The following CMPK2 variants were observed in gnomAD, a reference collection of about 807,000 sequenced individuals.
CMPK2 encodes the protein cytidine/uridine monophosphate kinase 2, also known as UMP-CMP kinase 2, mitochondrial.
A neutral mutation model predicts 33.4 loss-of-function variants in CMPK2; 32 were observed. The ratio of observed to expected loss-of-function variants is 0.96; its 90% CI spans 0.72 to 1.29. CMPK2 has a LOEUF of 1.29. Ranked by LOEUF, CMPK2 falls within the 50% of genes most tolerant of loss-of-function variation. The pLI is 0.00. For synonymous variants in CMPK2, 299 were observed against 275.3 expected, an observed-to-expected ratio of 1.09 and a Z score of -0.85; for missense variants, 672 against 616.0, an observed-to-expected ratio of 1.09 and a Z score of -0.96.
At chr2:6,842,686 T>A (rs1662261919) in intron 3 of CMPK2, among the ~76,000 whole-genome samples, 1 of 152,204 alleles carries the variant, frequency 6.6e-6, no homozygotes, top group African/African-American at 2.4e-5. Context: ...GAGCCTTAGG[T>A]TCCCAGATCA....
chr2:6,848,038 G>A (rs143998296), downstream of CMPK2, among the ~76,000 whole-genome samples: 363 of 152,262 alleles, frequency 2.4e-3, no homozygotes, highest in African/African-American at 8.3e-3. Context: ...CAAAATACTC[G>A]TAAGTCATAT....
chr2:6,846,027 G>T (rs1324934861), downstream of CMPK2, among the ~76,000 whole-genome samples: 1 of 152,124 alleles, frequency 6.6e-6, no homozygotes, highest in Non-Finnish European at 1.5e-5. Context: ...GAACGTAAAA[G>T]GGAAAAGAAT....
downstream of CMPK2, among the ~76,000 whole-genome samples, chr2:6,843,973 C>T (rs1662294097): frequency 6.6e-6 from 1 of 152,170 alleles, no homozygotes; most frequent in Non-Finnish European, 1.5e-5. Flanking sequence ...CCCTAGGACC[C>T]ATTAGTCCTG....
At chr2:6,866,087 C>A, upstream of CMPK2, 1 of 258,104 alleles carries the variant, frequency 3.9e-6, no homozygotes, top group Non-Finnish European at 7.5e-6. Flanking sequence ...CGGCCCCGAC[C>A]CTGGTTTGAG....
chr2:6,843,344 C>T (rs542372642), downstream of CMPK2, among the ~76,000 whole-genome samples: 17 of 152,296 alleles, frequency 1.1e-4, no homozygotes, highest in Admixed American at 7.2e-4. Flanking sequence ...GATGGAGGTC[C>T]TGAACTAGTA....
At chr2:6,854,646 C>T (rs12472662) in intron 3 of CMPK2, among the ~76,000 whole-genome samples, 32,532 of 152,110 alleles carry the variant, frequency 0.21, 3,677 homozygotes, top group Non-Finnish European at 0.23. Context: ...CAATTTCAGA[C>T]GCTTCCCACT....
rs1663045916 is a variant in CMPK2 at position 6,865,463 on chromosome 2, G to T, written c.234C>A (p.Pro78=). The change falls in exon 1 of 5, where the codon CCC becomes CCA. Residue 78 remains proline, a synonymous_variant. Transcript: ENST00000256722. ...PPERSYSLCV[P]VTPDAGCGAR... is the part of the protein sequence containing the mutation. Reference sequence around the variant, plus strand: ...CCCCGCAGCCGGCGTCCGGGGTCACGGGCACGCACAGCGAGTAGCTGCGCT... The same window carrying T: ...CCCCGCAGCCGGCGTCCGGGGTCACTGGCACGCACAGCGAGTAGCTGCGCT... 3.9e-6 allele frequency: 5 copies of T among 1,273,698 alleles called. No individual in the cohort carries two copies. The highest frequency in any genetic ancestry group is 3.9e-6 in the Non-Finnish European group (4 of 1,014,462). 78.9% of individuals were successfully genotyped at this position (1,273,698 alleles called of 1,614,324 possible).
intron 4 of CMPK2, chr2:6,850,614 T>C (rs1572134093): frequency 2.4e-6 from 1 of 421,224 alleles, no homozygotes; most frequent in Non-Finnish European, 3.2e-6. Context: ...TGTGTCTCAG[T>C]TTCCTGTTCT....
rs1231938128 is a variant in CMPK2 at position 6,851,255 on chromosome 2, G to C, written c.1226+195C>G. On this transcript the variant is annotated intron_variant, in intron 4 of 4. Transcript: ENST00000256722. ...TCTGATCCCTAGTCCGATGACCTTT[G>C]CTTTAAGATAACAATGCTGCAGCCC... 4 of 1,409,098 alleles carry C rather than the reference G, an allele frequency of 2.8e-6. No homozygotes were observed. The Admixed American group carries it at 1.1e-4, about 38-fold the overall frequency. 87.3% of individuals were successfully genotyped at this position (1,409,098 alleles called of 1,614,324 possible).
Position 6,848,460 on chromosome 2 carries a change from A to T in CMPK2, c.*1390T>A, listed in dbSNP as rs1353758004. 3.1e-6 allele frequency: 3 copies of T among 980,330 alleles called. No individual in the cohort carries two copies. Among genetic ancestry groups the T allele is most frequent in the Non-Finnish European group, 3.6e-6 (3 of 825,390 alleles). The allele number at this position is 980,330 out of a possible 1,614,324, so 60.7% of individuals were successfully genotyped here. ...ATAATACAGCTAGATACCACATTGC[A>T]AAGAACCCTAATGCTATTTATCAGC... On this transcript the variant is annotated 3_prime_UTR_variant, in exon 5 of 5. Transcript: ENST00000256722.
At chr2:6,854,197 G>A (rs1371221601) in intron 3 of CMPK2, among the ~76,000 whole-genome samples, 1 of 152,152 alleles carries the variant, frequency 6.6e-6, no homozygotes, top group Non-Finnish European at 1.5e-5. Flanking sequence ...GTCAGCACAT[G>A]CTCCAGATTC....
chr2:6,842,784 A>C (rs1662264563), intron 3 of CMPK2, among the ~76,000 whole-genome samples: 1 of 152,176 alleles, frequency 6.6e-6, no homozygotes, highest in South Asian at 2.1e-4. Context: ...ACAATCTGCA[A>C]AAAACCCCAA....
chr2:6,861,126 A>ACC, intron 3 of CMPK2, 58 bp downstream of exon 3: 3 of 23,682 alleles, frequency 1.3e-4, no homozygotes, highest in Admixed American at 1.4e-3. Flanking sequence ...ACACACACAC[A>ACC]CCCACACACT....
Position 6,849,552 on chromosome 2 carries a change from C to A in CMPK2, c.*298G>T. 1 of 1,130,902 alleles carries A rather than the reference C, an allele frequency of 8.8e-7. No homozygotes were observed. Among genetic ancestry groups the A allele is most frequent in the Non-Finnish European group, 1.1e-6 (1 of 921,430 alleles). The allele number at this position is 1,130,902 out of a possible 1,614,324, so 70.1% of individuals were successfully genotyped here. A position where few individuals can be genotyped will look rare whatever the true frequency, so the allele number is the denominator to read the frequency against. ...GTGCTGTCTGAGTAAGACAGGTCTT[C>A]CAGATATTTGGTAGTGATTAAGTGA... On this transcript the variant is annotated 3_prime_UTR_variant, in exon 5 of 5. Coordinates refer to ENST00000256722, the MANE Select transcript of CMPK2 (RefSeq NM_207315.4).
At chr2:6,856,912 G>T (rs976135350) in intron 3 of CMPK2, among the ~76,000 whole-genome samples, 1 of 152,148 alleles carries the variant, frequency 6.6e-6, no homozygotes, top group Non-Finnish European at 1.5e-5. Context: ...TTCTCCTGTT[G>T]ATGGGCTTTA....
chr2:6,849,215 G>T lies in CMPK2; in HGVS notation c.*635C>A. The stretch of plus-strand genomic sequence containing the variant: ...GAATGTCTTTATATATGACTCAGAA[G>T]CCTATCAAAAGGGCTCTGAGCCTCA... On this transcript the variant is annotated 3_prime_UTR_variant, in exon 5 of 5. Coordinates refer to ENST00000256722, the MANE Select transcript of CMPK2 (RefSeq NM_207315.4). 3.0e-6 allele frequency: 3 copies of T among 985,412 alleles called. No individual in the cohort carries two copies. The highest frequency in any genetic ancestry group is 3.6e-6 in the Non-Finnish European group (3 of 829,902). 61.0% of individuals were successfully genotyped at this position (985,412 alleles called of 1,614,324 possible).
chr2:6,849,505 G>A lies in CMPK2; in HGVS notation c.*345C>T, dbSNP rs1662449246. On this transcript the variant is annotated 3_prime_UTR_variant, in exon 5 of 5. Transcript: ENST00000256722. ...TCTCCCTGCTGATCTGGAAGATCTTGTCTGCTGCTTCTGTACACCTGGTGC... is the reference window on the plus strand; with the variant it reads ...TCTCCCTGCTGATCTGGAAGATCTTATCTGCTGCTTCTGTACACCTGGTGC... 2 of 1,044,544 alleles carry A rather than the reference G, an allele frequency of 1.9e-6. No homozygotes were observed. Among genetic ancestry groups the A allele is most frequent in the Non-Finnish European group, 2.3e-6 (2 of 868,134 alleles). The allele number at this position is 1,044,544 out of a possible 1,614,324, so 64.7% of individuals were successfully genotyped here.
downstream of CMPK2, among the ~76,000 whole-genome samples, chr2:6,844,239 G>A (rs1331929893): frequency 6.6e-6 from 1 of 152,070 alleles, no homozygotes; most frequent in Non-Finnish European, 1.5e-5. Context: ...TTCTTCTCCT[G>A]GGCTTCCTCC....
intron 1 of CMPK2, 65 bp downstream of exon 1, chr2:6,864,957 T>G: frequency 7.4e-7 from 1 of 1,355,292 alleles, no homozygotes; most frequent in Admixed American, 4.0e-5. Context: ...AGCCTCTTGG[T>G]CCAGTTCTCT....
Sources: gnomAD v4.1 joint callset for allele counts (sites outside exome capture counted in the v4.1 genomes callset) on GRCh38, gnomAD v4.1.1 for gene constraint, MANE v1.5 for transcripts, NCBI Gene and HGNC (gene_info 2026-07-23, HGNC 2026-07-21) for gene names.